RPS6KC1: variants seen among roughly 807,000 people sequenced by gnomAD.
The protein encoded by RPS6KC1 is ribosomal protein S6 kinase C1.
In RPS6KC1, 54 loss-of-function variants were observed where a neutral mutation model predicts 103.8. That is an observed-to-expected ratio of 0.52 (90% CI 0.42 to 0.65). RPS6KC1 has a LOEUF of 0.65. RPS6KC1 is among the 30% of genes least tolerant of loss of function. RPS6KC1 has a pLI of 0.00. For synonymous variants in RPS6KC1, 439 were observed against 438.7 expected, an observed-to-expected ratio of 1.00 and a Z score of -0.01; for missense variants, 1,151 against 1,253.8, an observed-to-expected ratio of 0.92 and a Z score of 1.24.
the RPS6KC1 span, among the ~76,000 whole-genome samples, chr1:213,587,070 C>T: frequency 2.1e-4 from 32 of 152,168 alleles, 1 homozygote; most frequent in Middle Eastern, 3.2e-3. Flanking sequence ...TCATCTATTC[C>T]GCACCTTTCA....
chr1:213,731,781 T>G, the RPS6KC1 span, among the ~76,000 whole-genome samples: 15 of 152,166 alleles, frequency 9.9e-5, no homozygotes, highest in African/African-American at 3.6e-4. Context: ...TAGTGGAATA[T>G]GATTTATAAT....
At chr1:213,658,780 T>C in the RPS6KC1 span, among the ~76,000 whole-genome samples, 1 of 152,158 alleles carries the variant, frequency 6.6e-6, no homozygotes, top group Non-Finnish European at 1.5e-5. Context: ...CCAAGGAAAC[T>C]GGGGGAAATG....
chr1:213,581,585 T>C, the RPS6KC1 span, among the ~76,000 whole-genome samples: 2 of 151,978 alleles, frequency 1.3e-5, no homozygotes, highest in Non-Finnish European at 1.5e-5. Flanking sequence ...CTCCCTGCCA[T>C]GTGGAAAAAT....
the RPS6KC1 span, among the ~76,000 whole-genome samples, chr1:213,723,950 G>C: frequency 1.3e-5 from 2 of 151,820 alleles, no homozygotes; most frequent in Admixed American, 6.6e-5. Flanking sequence ...GGGTTGGGGG[G>C]GACAGTGTCA....
At chr1:213,770,573 T>G in the RPS6KC1 span, among the ~76,000 whole-genome samples, 1 of 152,172 alleles carries the variant, frequency 6.6e-6, no homozygotes, top group Admixed American at 6.5e-5. Context: ...ACAAGTCCCA[T>G]TCATTCTCGT....
chr1:213,395,623 T>C, the RPS6KC1 span, among the ~76,000 whole-genome samples: 2 of 152,206 alleles, frequency 1.3e-5, no homozygotes, highest in Non-Finnish European at 2.9e-5. Flanking sequence ...CCCCAGTTTG[T>C]AGCCATTGCC....
At chr1:213,589,961 G>GTGTGTGTT in the RPS6KC1 span, among the ~76,000 whole-genome samples, 5 of 151,778 alleles carry the variant, frequency 3.3e-5, no homozygotes, top group Non-Finnish European at 7.4e-5. Context: ...GTGTGTGTGT[G>GTGTGTGTT]TGTGTGTGTG....
the RPS6KC1 span, among the ~76,000 whole-genome samples, chr1:213,568,557 GT>G: frequency 6.6e-6 from 1 of 152,198 alleles, no homozygotes; most frequent in Non-Finnish European, 1.5e-5. Context: ...AGACCAACAG[GT>G]AAGGGAACTA....
intron 5 of RPS6KC1, among the ~76,000 whole-genome samples, chr1:213,120,919 T>C (rs1455916210): frequency 1.3e-5 from 2 of 152,142 alleles, no homozygotes; most frequent in Non-Finnish European, 2.9e-5. Context: ...TACTTTGAAA[T>C]GAAAGTTTTC....
the RPS6KC1 span, among the ~76,000 whole-genome samples, chr1:213,672,483 A>C: frequency 6.6e-6 from 1 of 152,252 alleles, no homozygotes; most frequent in African/African-American, 2.4e-5. Context: ...AAAGTGAGAC[A>C]GTGAAAATGC....
the RPS6KC1 span, among the ~76,000 whole-genome samples, chr1:213,498,752 C>A: frequency 1.9e-3 from 281 of 147,204 alleles, 1 homozygote; most frequent in African/African-American, 6.8e-3. Context: ...CCGTGCCCGG[C>A]CATAAGTGTG....
chr1:213,692,560 C>A, the RPS6KC1 span, among the ~76,000 whole-genome samples: 1 of 152,112 alleles, frequency 6.6e-6, no homozygotes, highest in Non-Finnish European at 1.5e-5. Context: ...TGATTCTTCC[C>A]TTGCGGTGGG....
At chr1:213,589,231 C>T in the RPS6KC1 span, among the ~76,000 whole-genome samples, 42 of 152,302 alleles carry the variant, frequency 2.8e-4, 1 homozygote, top group Admixed American at 2.5e-3. Context: ...GCTGTGTCTC[C>T]TTCTATTAAC....
chr1:213,180,504 A>G (rs923547614), intron 8 of RPS6KC1, among the ~76,000 whole-genome samples: 1 of 152,072 alleles, frequency 6.6e-6, no homozygotes, highest in African/African-American at 2.4e-5. Context: ...GTTTCTTGTC[A>G]TTTGAGACAT....
chr1:213,298,259 A>G, the RPS6KC1 span, among the ~76,000 whole-genome samples: 4 of 152,260 alleles, frequency 2.6e-5, no homozygotes, highest in Non-Finnish European at 4.4e-5. Context: ...GCCTAAATGT[A>G]TATACTTCCT....
chr1:213,183,561 A>G (rs1235506225), intron 8 of RPS6KC1, among the ~76,000 whole-genome samples: 9 of 130,320 alleles, frequency 6.9e-5, no homozygotes, highest in Admixed American at 6.9e-4. Flanking sequence ...TGGGTTGAAG[A>G]AGAATCTCAA....
chr1:213,251,297 C>T lies in RPS6KC1; in HGVS notation c.2911+8639C>T, dbSNP rs1362942847. On this transcript the variant is annotated intron_variant, in intron 12 of 14. Coordinates refer to ENST00000366960, the MANE Select transcript of RPS6KC1 (RefSeq NM_012424.6). ...TAATTTTTTGTGTTTTTAGTAGAGA[C>T]GGAGTTTTGCCATGTTGGCCAGGCT... Among the ~76,000 whole-genome samples, 6 of 151,956 alleles carry T rather than the reference C, an allele frequency of 3.9e-5. No individual in the cohort carries two copies. The East Asian group carries it at 9.6e-4, about 24-fold the overall frequency.
chr1:213,644,864 C>A, the RPS6KC1 span, among the ~76,000 whole-genome samples: 1 of 152,052 alleles, frequency 6.6e-6, no homozygotes, highest in Non-Finnish European at 1.5e-5. Context: ...GTTATCAAAC[C>A]TTTTGATTTT....
At chr1:213,658,780 TG>T in the RPS6KC1 span, among the ~76,000 whole-genome samples, 1 of 152,158 alleles carries the variant, frequency 6.6e-6, no homozygotes, top group African/African-American at 2.4e-5. Context: ...CCAAGGAAAC[TG>T]GGGGAAATGC....
Sources: allele counts gnomAD v4.1 joint callset (sites outside exome capture counted in the v4.1 genomes callset), GRCh38; gene constraint gnomAD v4.1.1; transcripts MANE v1.5; gene names NCBI Gene and HGNC (gene_info 2026-07-23, HGNC 2026-07-21).